FBXO11: variants seen among roughly 807,000 people sequenced by gnomAD.
The protein encoded by FBXO11 is F-box protein 11.
A neutral mutation model predicts 117.0 loss-of-function variants in FBXO11; 13 were observed. The ratio of observed to expected loss-of-function variants is 0.11; its 90% CI spans 0.07 to 0.18. The LOEUF is 0.18. Ranked by LOEUF, FBXO11 falls within the 10% of genes least tolerant of loss-of-function variation. FBXO11 has a pLI of 1.00. For missense variants in FBXO11, 767 were observed against 1,164.4 expected (o/e 0.66, Z 4.97); for synonymous variants, 490 against 380.5 (o/e 1.29, Z -3.35).
At chr2:47,875,896 G>C (rs1675966682) in intron 1 of FBXO11, among the ~76,000 whole-genome samples, 2 of 151,926 alleles carry the variant, frequency 1.3e-5, no homozygotes, top group African/African-American at 2.4e-5. Context: ...TATTCCTTTT[G>C]TGGTTACTCA....
chr2:47,813,735 G>T, intron 17 of FBXO11, 56 bp downstream of exon 17: 1 of 1,448,242 alleles, frequency 6.9e-7, no homozygotes, highest in Admixed American at 1.7e-5. Context: ...GCCCGGCCTA[G>T]AAGGTGTATT....
At chr2:47,896,321 GTTTCT>G (rs199614860) in intron 1 of FBXO11, among the ~76,000 whole-genome samples, 38 of 142,162 alleles carry the variant, frequency 2.7e-4, no homozygotes, top group African/African-American at 8.6e-4. Context: ...TCTCCAAATT[GTTTCT>G]TTTCTTTTTT....
Position 47,822,106 on chromosome 2 carries a change from A to AAG in FBXO11, c.1702+110_1702+111dup, listed in dbSNP as rs914326334. 4 of 731,156 alleles carry AAG rather than the reference A, an allele frequency of 5.5e-6. No individual in the cohort carries two copies. In the Admixed American group the frequency reaches 9.4e-5, roughly 17 times the overall value. 45.3% of individuals were successfully genotyped at this position (731,156 alleles called of 1,614,324 possible). The stretch of plus-strand genomic sequence containing the variant: ...ATTTCTTTAAAAAAGAAAAAAATTA[A>AAG]AGAGCTGGATCAGTGCTTCCACTTG... On this transcript the variant is annotated intron_variant, in intron 13 of 22. Transcript: ENST00000403359.
intron 1 of FBXO11, among the ~76,000 whole-genome samples, chr2:47,891,831 T>A (rs1054744417): frequency 6.6e-6 from 1 of 152,176 alleles, no homozygotes. Context: ...TGAAAAGATA[T>A]CTCATTGTGG....
chr2:47,905,807 G>A lies in FBXO11; in HGVS notation c.-87C>T, dbSNP rs1170753962. On this transcript the variant is annotated 5_prime_UTR_variant, in exon 1 of 23. Coordinates refer to ENST00000403359, the MANE Select transcript of FBXO11 (RefSeq NM_001190274.2). ...TCGGGGCAGGAGAAAGGGGTGGGGA[G>A]AGTGGGAGAGGGGGGAGGAAGGAGA... The A allele has an allele frequency of 2.0e-6, 2 of 1,010,632 alleles. No individual in the cohort carries two copies. The highest frequency in any genetic ancestry group is 5.8e-5 in the East Asian group (1 of 17,302). 62.6% of individuals were successfully genotyped at this position (1,010,632 alleles called of 1,614,324 possible).
At chr2:47,831,077 G>A (rs1405524746) in intron 11 of FBXO11, among the ~76,000 whole-genome samples, 4 of 151,826 alleles carry the variant, frequency 2.6e-5, no homozygotes, top group African/African-American at 7.2e-5. Context: ...GGGATTACAG[G>A]TGTGAGCCAC....
At chr2:47,815,483 G>C (rs182521088) in intron 16 of FBXO11, among the ~76,000 whole-genome samples, 29 of 152,310 alleles carry the variant, frequency 1.9e-4, no homozygotes, top group African/African-American at 6.0e-4. Flanking sequence ...AACCAGGAGG[G>C]AAGGACAAAG....
intron 1 of FBXO11, among the ~76,000 whole-genome samples, chr2:47,846,238 CG>C (rs1673397695): frequency 6.6e-6 from 1 of 152,012 alleles, no homozygotes; most frequent in Non-Finnish European, 1.5e-5. Context: ...GAGGCCCAGG[CG>C]GGCAGATCAT....
intron 1 of FBXO11, among the ~76,000 whole-genome samples, chr2:47,889,967 AG>A (rs1275838218): frequency 1.3e-5 from 2 of 152,238 alleles, no homozygotes. Flanking sequence ...TGACGCAAAA[AG>A]AATTTTATGC....
Position 47,838,910 on chromosome 2 carries a change from G to A in FBXO11, c.536C>T (p.Ala179Val), listed in dbSNP as rs1371560435. The A allele has an allele frequency of 1.9e-6, 3 of 1,613,896 alleles. No homozygotes were observed. Among genetic ancestry groups the A allele is most frequent in the Non-Finnish European group, 1.7e-6 (2 of 1,179,946 alleles). The change falls in exon 4 of 23, where the codon GCA (alanine) becomes GTA (valine). Residue 179 changes from alanine (A) to valine (V), a missense_variant. Coordinates refer to ENST00000403359, the MANE Select transcript of FBXO11 (RefSeq NM_001190274.2). ...ACTGAAGCGTTTACATACACAAGCT[G>A]CTCTACAAAGATCCTGTTCCAGCAA... is the stretch of plus-strand genomic sequence containing the variant. ...SYLLEQDLCRAACVCKRFSEL... is the reference protein window; with the variant it reads ...SYLLEQDLCRVACVCKRFSEL...
intron 1 of FBXO11, among the ~76,000 whole-genome samples, chr2:47,890,592 T>G (rs1460104626): frequency 1.3e-5 from 2 of 151,888 alleles, no homozygotes; most frequent in Non-Finnish European, 2.9e-5. Context: ...CCACCTGAGG[T>G]CAGGAGTTTG....
intron 1 of FBXO11, among the ~76,000 whole-genome samples, chr2:47,874,867 CTTTTTTTTTTTT>C (rs377037169): frequency 1.6e-5 from 2 of 128,898 alleles, no homozygotes; most frequent in Admixed American, 8.0e-5. Context: ...TGTCTCAGGA[CTTTTTTTTTTTT>C]TTTTTTTTAA....
rs1295948419 is a variant in FBXO11, at chr2:47,807,816, A to AGTT, written c.*299_*301dup. On this transcript the variant is annotated 3_prime_UTR_variant, in exon 23 of 23. Transcript: ENST00000403359. Reference sequence around the variant, plus strand: ...TGCAAATTGGACTGCATTCAATGCTAGTTGTAAAAACACCAGCTTTTCAGA... The same window carrying AGTT: ...TGCAAATTGGACTGCATTCAATGCTAGTTGTTGTAAAAACACCAGCTTTTCAGA... The AGTT allele has an allele frequency of 3.4e-6, 1 of 292,852 alleles. No individual in the cohort carries two copies. Among genetic ancestry groups the AGTT allele is most frequent in the Non-Finnish European group, 6.4e-6 (1 of 155,130 alleles). The allele number at this position is 292,852 out of a possible 1,614,324, so 18.1% of individuals were successfully genotyped here.
chr2:47,882,396 T>A (rs144913616), intron 1 of FBXO11, among the ~76,000 whole-genome samples: 61 of 152,324 alleles, frequency 4.0e-4, no homozygotes, highest in African/African-American at 1.4e-3. Flanking sequence ...CAGTTTTCCC[T>A]GCCACAGATG....
intron 1 of FBXO11, among the ~76,000 whole-genome samples, chr2:47,878,357 C>CT (rs372609853): frequency 2.3e-4 from 34 of 148,834 alleles, no homozygotes; most frequent in South Asian, 6.4e-4. Context: ...GCCTTTTGTT[C>CT]TTTTTTTTTT....
At chr2:47,839,873 T>A in intron 1 of FBXO11, 104 bp from the exon 2 acceptor site, 2 of 956,882 alleles carry the variant, frequency 2.1e-6, no homozygotes, top group Non-Finnish European at 3.0e-6. Context: ...GGAGCAGATG[T>A]AAGTTTTATA....
chr2:47,865,591 T>C (rs1399875056), intron 1 of FBXO11, among the ~76,000 whole-genome samples: 1 of 152,232 alleles, frequency 6.6e-6, no homozygotes, highest in African/African-American at 2.4e-5. Context: ...CAGAGAGGAA[T>C]AAACTTCTAT....
At chr2:47,890,309 C>T (rs1274710739) in intron 1 of FBXO11, among the ~76,000 whole-genome samples, 1 of 152,078 alleles carries the variant, frequency 6.6e-6, no homozygotes, top group Non-Finnish European at 1.5e-5. Context: ...CAGTCATCCT[C>T]ATTTACTAGA....
intron 11 of FBXO11, among the ~76,000 whole-genome samples, chr2:47,827,368 G>A (rs982293806): frequency 4.0e-5 from 6 of 148,402 alleles, no homozygotes; most frequent in East Asian, 2.1e-4. Flanking sequence ...GCGCAGTGGC[G>A]CACTTTCGGC....
Sources: allele counts gnomAD v4.1 joint callset (sites outside exome capture counted in the v4.1 genomes callset), GRCh38; gene constraint gnomAD v4.1.1; transcripts MANE v1.5; gene names NCBI Gene and HGNC (gene_info 2026-07-23, HGNC 2026-07-21).